The following TBL1X variants were observed in gnomAD, a reference collection of about 807,000 sequenced individuals.
TBL1X encodes transducin beta like 1 X-linked.
A neutral mutation model predicts 50.7 loss-of-function variants in TBL1X; 10 were observed. The ratio of observed to expected loss-of-function variants is 0.20; its 90% CI spans 0.12 to 0.33. The LOEUF (loss-of-function observed/expected upper bound fraction) is 0.33. TBL1X is among the 10% of genes least tolerant of loss of function. TBL1X has a pLI of 1.00. For synonymous variants in TBL1X, 190 were observed against 214.7 expected (o/e 0.88, Z 1.01); for missense variants, 340 against 504.4 (o/e 0.67, Z 3.12).
chrX:9,598,547 G>GA, intron 2 of TBL1X, among the ~76,000 whole-genome samples: 1 of 111,968 alleles, frequency 8.9e-6, no homozygotes, highest in South Asian at 3.7e-4. Flanking sequence ...TGATGTCCAA[G>GA]ACTGGCCAGA....
At chrX:9,688,834 A>G (rs1046491993) in intron 7 of TBL1X, among the ~76,000 whole-genome samples, 4 of 113,425 alleles carry the variant, frequency 3.5e-5, no homozygotes, top group African/African-American at 1.3e-4. Flanking sequence ...ACCCGTAGGG[A>G]CGCCACTTCA....
At chrX:9,506,347 A>G (rs904770206) in intron 2 of TBL1X, among the ~76,000 whole-genome samples, 8 of 111,709 alleles carry the variant, frequency 7.2e-5, no homozygotes, top group African/African-American at 2.6e-4. Flanking sequence ...TCAGAAAGCT[A>G]AAAAGATCTC....
At chrX:9,568,993 G>A in intron 2 of TBL1X, among the ~76,000 whole-genome samples, 1 of 109,573 alleles carries the variant, frequency 9.1e-6, no homozygotes, top group East Asian at 2.9e-4. Flanking sequence ...TGTGCGGTGT[G>A]CTGTGTGTGT....
At chrX:9,528,951 G>A (rs2082146415) in intron 2 of TBL1X, among the ~76,000 whole-genome samples, 1 of 111,784 alleles carries the variant, frequency 8.9e-6, no homozygotes, top group African/African-American at 3.3e-5. Context: ...CTATATCCGC[G>A]ACACCAAATT....
At chrX:9,556,082 G>C (rs1182409455) in intron 2 of TBL1X, among the ~76,000 whole-genome samples, 2 of 109,632 alleles carry the variant, frequency 1.8e-5, no homozygotes, top group Non-Finnish European at 3.8e-5. Context: ...CCAGCTACTT[G>C]GGAGGCTGAG....
intron 11 of TBL1X, among the ~76,000 whole-genome samples, 185 bp from the exon 12 acceptor site, chrX:9,697,184 C>G (rs1391795751): frequency 8.9e-6 from 1 of 112,428 alleles, no homozygotes; most frequent in Non-Finnish European, 1.9e-5. Flanking sequence ...ATGAATTTTA[C>G]CAGTTTCTTT....
intron 1 of TBL1X, among the ~76,000 whole-genome samples, chrX:9,468,245 T>C (rs759373779): frequency 1.8e-5 from 2 of 111,817 alleles, no homozygotes; most frequent in African/African-American, 3.2e-5. Flanking sequence ...AGGGAAGCTT[T>C]AGAAATGAAG....
intron 1 of TBL1X, among the ~76,000 whole-genome samples, chrX:9,477,886 C>A (rs1213733588): frequency 3.6e-5 from 4 of 111,672 alleles, no homozygotes; most frequent in African/African-American, 1.3e-4. Flanking sequence ...TCTATAGATT[C>A]CCCTTTTGTG....
intron 2 of TBL1X, among the ~76,000 whole-genome samples, chrX:9,615,190 T>C (rs1233999978): frequency 8.9e-6 from 1 of 111,771 alleles, no homozygotes; most frequent in Admixed American, 9.5e-5. Context: ...TTTAACCTTT[T>C]TAGAAGATAG....
At chrX:9,517,252 G>A (rs1309505396) in intron 2 of TBL1X, among the ~76,000 whole-genome samples, 2 of 110,665 alleles carry the variant, frequency 1.8e-5, no homozygotes, top group East Asian at 2.9e-4. Context: ...GAGGAAATCC[G>A]AGTAGCCTGC....
At chrX:9,687,512 G>T (rs2083066961) in intron 6 of TBL1X, among the ~76,000 whole-genome samples, 1 of 111,126 alleles carries the variant, frequency 9.0e-6, no homozygotes, top group Admixed American at 9.5e-5. Flanking sequence ...AGTATTTGGG[G>T]CTGCGTGTTT....
intron 1 of TBL1X, among the ~76,000 whole-genome samples, chrX:9,489,881 T>C (rs972381776): frequency 8.9e-6 from 1 of 111,909 alleles, no homozygotes; most frequent in African/African-American, 3.3e-5. Context: ...GTGATCCCTG[T>C]GGAAGAGACT....
At chrX:9,520,818 A>G (rs1003176131) in intron 2 of TBL1X, among the ~76,000 whole-genome samples, 1 of 111,347 alleles carries the variant, frequency 9.0e-6, no homozygotes, top group Non-Finnish European at 1.9e-5. Flanking sequence ...GAGGCCAGGC[A>G]TGGTGGCTCA....
intron 2 of TBL1X, among the ~76,000 whole-genome samples, chrX:9,529,790 A>G (rs1719731301): frequency 9.2e-6 from 1 of 109,146 alleles, no homozygotes; most frequent in African/African-American, 3.3e-5. Context: ...CAAAAAAAAA[A>G]AAAAAAAATG....
At chrX:9,681,834 G>A (rs1354726054) in intron 5 of TBL1X, among the ~76,000 whole-genome samples, 1 of 112,833 alleles carries the variant, frequency 8.9e-6, no homozygotes, top group Non-Finnish European at 1.9e-5. Flanking sequence ...ACAGGAGGCT[G>A]TCAGTTACCC....
At chrX:9,690,771 C>G (rs111987696) in intron 7 of TBL1X, among the ~76,000 whole-genome samples, 3 of 111,844 alleles carry the variant, frequency 2.7e-5, no homozygotes, top group African/African-American at 9.7e-5. Flanking sequence ...AACTGTCACC[C>G]AGGCTGGGGT....
chrX:9,546,803 A>ATTTCTTTTTTTTTT, intron 2 of TBL1X, among the ~76,000 whole-genome samples: 1 of 44,980 alleles, frequency 2.2e-5, no homozygotes, highest in Non-Finnish European at 3.8e-5. Context: ...TTTATTCTTA[A>ATTTCTTTTTTTTTT]TTTTTTTTTT....
At position 9,633,008 on chromosome X, in the gene TBL1X, G is replaced by A. The variant is rs180917697; in HGVS notation, c.-130-7265G>A. The stretch of plus-strand genomic sequence containing the variant: ...CATTTACAGATGGCAGTACTGAAAT[G>A]TTAATTTCAAAAACATTCAAACTGT... On this transcript the variant is annotated intron_variant, in intron 2 of 17. Transcript: ENST00000645353. Among the ~76,000 whole-genome samples, 355 of 112,547 alleles carry A rather than the reference G, an allele frequency of 3.2e-3. 1 individual carries two copies. The highest frequency in any genetic ancestry group is 3.5e-3 in the Non-Finnish European group (185 of 53,316).
At chrX:9,484,748 C>T (rs1314699774) in intron 1 of TBL1X, among the ~76,000 whole-genome samples, 1 of 108,851 alleles carries the variant, frequency 9.2e-6, no homozygotes, top group Non-Finnish European at 1.9e-5. Context: ...CAGTGGTTCT[C>T]AAACTTCATC....
Sources: gnomAD v4.1 joint callset for allele counts (sites outside exome capture counted in the v4.1 genomes callset) on GRCh38, gnomAD v4.1.1 for gene constraint, MANE v1.5 for transcripts, NCBI Gene and HGNC (gene_info 2026-07-23, HGNC 2026-07-21) for gene names.